SLIT3: variants seen among roughly 807,000 people sequenced by gnomAD.
The protein encoded by SLIT3 is slit guidance ligand 3.
In SLIT3, 68 loss-of-function variants were observed where a neutral mutation model predicts 184.0. That is an observed-to-expected ratio of 0.37 (90% CI 0.30 to 0.45). The LOEUF (loss-of-function observed/expected upper bound fraction) is 0.45, where lower values mean the gene tolerates loss of function less well. SLIT3 is among the 20% of genes least tolerant of loss of function. The pLI is 1.00. For synonymous variants in SLIT3, 831 were observed against 828.6 expected (o/e 1.00, Z -0.05); for missense variants, 1,707 against 2,026.0 (o/e 0.84, Z 3.02).
At chr5:168,961,808 A>AAC (rs1763018656) in intron 4 of SLIT3, among the ~76,000 whole-genome samples, 2 of 152,006 alleles carry the variant, frequency 1.3e-5, no homozygotes, top group Non-Finnish European at 2.9e-5. Context: ...TAGGAACTTT[A>AAC]ATGTTTATCT....
At chr5:169,151,698 G>A (rs1046755295) in intron 4 of SLIT3, among the ~76,000 whole-genome samples, 5 of 152,244 alleles carry the variant, frequency 3.3e-5, no homozygotes, top group Admixed American at 6.5e-5. Flanking sequence ...GCAAGCCAGA[G>A]AGCCCAGCCC....
chr5:169,254,262 G>A (rs1035665789), intron 1 of SLIT3, among the ~76,000 whole-genome samples: 3 of 152,164 alleles, frequency 2.0e-5, no homozygotes, highest in African/African-American at 7.2e-5. Context: ...ACCCTGAGGA[G>A]AGGCTGCCTG....
chr5:169,091,264 C>T (rs1198094010), intron 4 of SLIT3, among the ~76,000 whole-genome samples: 2 of 152,238 alleles, frequency 1.3e-5, no homozygotes, highest in African/African-American at 4.8e-5. Flanking sequence ...TCTTCCTACC[C>T]TATAAGCCAG....
In SLIT3 at chr5:169,070,073, G is replaced by A. The variant is rs185660473; in HGVS notation, c.413+123406C>T. The stretch of plus-strand genomic sequence containing the variant: ...AGGAAATGAAAAGTGATATTTGGAA[G>A]GTAGGATTGGTCTGATTAGATTTTG... On this transcript the variant is annotated intron_variant, in intron 4 of 35. Transcript: ENST00000519560. Among the ~76,000 whole-genome samples, 49 of 152,248 alleles carry A rather than the reference G, an allele frequency of 3.2e-4. No homozygotes were observed. In the East Asian group the frequency reaches 6.2e-3, roughly 19 times the overall value.
chr5:168,673,929 T>C (rs1016581335), intron 32 of SLIT3, among the ~76,000 whole-genome samples: 5 of 152,234 alleles, frequency 3.3e-5, no homozygotes, highest in Non-Finnish European at 5.9e-5. Flanking sequence ...GCATGCTGCC[T>C]GGACCACTAT....
At position 168,951,799 on chromosome 5, in the gene SLIT3, T is replaced by C. The variant is rs78308922; in HGVS notation, c.414-68463A>G. On this transcript the variant is annotated intron_variant, in intron 4 of 35. Transcript: ENST00000519560. ...CAAGGCTCATCTGTTCCTGTCTCTG[T>C]CTATCCCTATAAAACTGTCTCATGA... Among the ~76,000 whole-genome samples the C allele has an allele frequency of 4.5e-3, 681 of 152,290 alleles. 5 individuals are homozygous for C. The highest frequency in any genetic ancestry group is 0.016 in the African/African-American group (649 of 41,558).
chr5:169,005,204 T>TA (rs1755871869), intron 4 of SLIT3, among the ~76,000 whole-genome samples: 1 of 152,228 alleles, frequency 6.6e-6, no homozygotes, highest in Non-Finnish European at 1.5e-5. Context: ...ACTGGGAAAC[T>TA]AAAAAATTTG....
chr5:168,909,304 A>G (rs1448789659), intron 4 of SLIT3, among the ~76,000 whole-genome samples: 1 of 152,250 alleles, frequency 6.6e-6, no homozygotes, highest in Non-Finnish European at 1.5e-5. Flanking sequence ...AAAAAAAATC[A>G]GAGTCAACAT....
At chr5:169,292,183 C>A (rs1208122239) in intron 1 of SLIT3, among the ~76,000 whole-genome samples, 1 of 152,178 alleles carries the variant, frequency 6.6e-6, no homozygotes, top group African/African-American at 2.4e-5. Context: ...GTTTAAAAAC[C>A]TGAAGCTACC....
At chr5:169,044,593 G>T (rs556849188) in intron 4 of SLIT3, among the ~76,000 whole-genome samples, 1 of 151,422 alleles carries the variant, frequency 6.6e-6, no homozygotes, top group Admixed American at 6.6e-5. Flanking sequence ...AAGGTGGGGG[G>T]GGGGATGGGG....
At chr5:168,806,337 G>A in intron 9 of SLIT3, 109 bp downstream of exon 9, 1 of 1,198,568 alleles carries the variant, frequency 8.3e-7, no homozygotes, top group South Asian at 1.4e-5. Context: ...TGTTTTTAAT[G>A]GTCAGCTCCA....
At chr5:169,267,508 C>T (rs1766440734) in intron 1 of SLIT3, among the ~76,000 whole-genome samples, 1 of 152,176 alleles carries the variant, frequency 6.6e-6, no homozygotes, top group African/African-American at 2.4e-5. Flanking sequence ...AACTGAGTTA[C>T]ATTTGCCCTT....
chr5:168,682,780 A>G (rs1022250729), intron 32 of SLIT3, among the ~76,000 whole-genome samples: 6 of 152,178 alleles, frequency 3.9e-5, no homozygotes, highest in East Asian at 3.9e-4. Flanking sequence ...ACCAATCCCT[A>G]TGAAATGTGC....
At position 168,993,383 on chromosome 5, in the gene SLIT3, AC is replaced by A. The variant is rs1755398912; in HGVS notation, c.414-110048del. On this transcript the variant is annotated intron_variant, in intron 4 of 35. Transcript: ENST00000519560. ...CATGGCACCCCGCCTACAGGATCTGACGCCTGGCTTTTTCAGAGACTCCCTC... is the reference window on the plus strand; with the variant it reads ...CATGGCACCCCGCCTACAGGATCTGAGCCTGGCTTTTTCAGAGACTCCCTC... Among the ~76,000 whole-genome samples the A allele has an allele frequency of 2.6e-5, 4 of 152,280 alleles. No individual in the cohort carries two copies. The South Asian group carries it at 8.3e-4, about 32-fold the overall frequency.
chr5:168,745,883 A>G (rs1763784137), intron 20 of SLIT3, among the ~76,000 whole-genome samples: 1 of 152,200 alleles, frequency 6.6e-6, no homozygotes, highest in Non-Finnish European at 1.5e-5. Context: ...CACCCTGATC[A>G]GATAGCAGCC....
At position 168,900,615 on chromosome 5, in the gene SLIT3, C is replaced by CAAACA. The variant is rs141764198; in HGVS notation, c.414-17284_414-17280dup. On this transcript the variant is annotated intron_variant, in intron 4 of 35. Transcript: ENST00000519560. ...GGGAGATGGGAGTGAAACCCTGTCT[C>CAAACA]AAACAAAACAAAACAAAACAAAACA... Among the ~76,000 whole-genome samples, 783 of 151,954 alleles carry CAAACA rather than the reference C, an allele frequency of 5.2e-3. 6 individuals are homozygous for CAAACA. The highest frequency in any genetic ancestry group is 0.01 in the African/African-American group (415 of 41,430).
At chr5:168,980,356 G>T (rs1451993578) in intron 4 of SLIT3, among the ~76,000 whole-genome samples, 1 of 152,086 alleles carries the variant, frequency 6.6e-6, no homozygotes, top group Non-Finnish European at 1.5e-5. Context: ...CCAAGGGGAA[G>T]GCTGCTTCCC....
At chr5:168,871,958 A>G (rs1311011442) in intron 5 of SLIT3, among the ~76,000 whole-genome samples, 4 of 152,178 alleles carry the variant, frequency 2.6e-5, no homozygotes, top group Non-Finnish European at 5.9e-5. Context: ...TTGGGGAAGC[A>G]CAGCTACGGG....
chr5:168,898,915 T>C (rs1056728521), intron 4 of SLIT3, among the ~76,000 whole-genome samples: 3 of 152,132 alleles, frequency 2.0e-5, no homozygotes, highest in African/African-American at 7.2e-5. Flanking sequence ...GCCTCCACCC[T>C]GACAAAAGCC....
Sources: gnomAD v4.1 joint callset for allele counts (sites outside exome capture counted in the v4.1 genomes callset) on GRCh38, gnomAD v4.1.1 for gene constraint, MANE v1.5 for transcripts, NCBI Gene and HGNC (gene_info 2026-07-23, HGNC 2026-07-21) for gene names.